Variants in HMGCLL1 observed in about 807,000 individuals in gnomAD.
HMGCLL1 encodes 3-hydroxy-3-methylglutaryl-CoA lyase like 1.
Under a neutral mutation model 39.1 loss-of-function variants are expected in HMGCLL1, and 36 were observed. The ratio of observed to expected loss-of-function variants is 0.92; its 90% CI spans 0.71 to 1.22. The LOEUF (loss-of-function observed/expected upper bound fraction) is 1.22, where lower values mean the gene tolerates loss of function less well. Ranked by LOEUF, HMGCLL1 falls within the 50% of genes most tolerant of loss-of-function variation. The probability of loss-of-function intolerance (pLI) is 0.00; values close to 1 mark genes in which losing one functional copy is unlikely to be tolerated. For missense variants in HMGCLL1, 451 were observed against 416.5 expected (o/e 1.08, Z -0.72); for synonymous variants, 149 against 144.0 (o/e 1.03, Z -0.25).
the HMGCLL1 span, among the ~76,000 whole-genome samples, chr6:55,600,673 T>A: frequency 2.0e-5 from 3 of 152,034 alleles, no homozygotes; most frequent in Non-Finnish European, 4.4e-5. Flanking sequence ...ATAAAAAAAT[T>A]AACATAAAAA....
chr6:55,585,302 C>G, the HMGCLL1 span, among the ~76,000 whole-genome samples: 1 of 152,078 alleles, frequency 6.6e-6, no homozygotes, highest in African/African-American at 2.4e-5. Flanking sequence ...GATCCAAAAG[C>G]ATTAGCTTTG....
intron 3 of HMGCLL1, among the ~76,000 whole-genome samples, chr6:55,533,314 T>C (rs1768797857): frequency 6.6e-6 from 1 of 152,006 alleles, no homozygotes; most frequent in Non-Finnish European, 1.5e-5. Flanking sequence ...TATTTTAGTA[T>C]CCAAAATATG....
chr6:55,623,664 C>G, the HMGCLL1 span, among the ~76,000 whole-genome samples: 1 of 148,796 alleles, frequency 6.7e-6, no homozygotes, highest in Non-Finnish European at 1.5e-5. Context: ...AATATATATA[C>G]ACAAACATAT....
chr6:55,627,171 G>T, the HMGCLL1 span, among the ~76,000 whole-genome samples: 1 of 151,868 alleles, frequency 6.6e-6, no homozygotes, highest in Non-Finnish European at 1.5e-5. Flanking sequence ...GTGACCAGCT[G>T]TAGAAATGAA....
chr6:55,478,787 C>T (rs1765586185), intron 7 of HMGCLL1, among the ~76,000 whole-genome samples: 2 of 151,232 alleles, frequency 1.3e-5, no homozygotes, highest in African/African-American at 4.9e-5. Context: ...GATCTAATTA[C>T]CAAACTAATT....
At chr6:55,501,614 T>C (rs1766897451) in intron 5 of HMGCLL1, among the ~76,000 whole-genome samples, 2 of 151,910 alleles carry the variant, frequency 1.3e-5, no homozygotes, top group Non-Finnish European at 2.9e-5. Flanking sequence ...TTACAGTGGT[T>C]CTCAACCTTG....
chr6:55,511,012 T>C (rs1767431150), intron 5 of HMGCLL1, among the ~76,000 whole-genome samples: 1 of 151,894 alleles, frequency 6.6e-6, no homozygotes, highest in South Asian at 2.1e-4. Context: ...GAATGTCTTA[T>C]ATATTAAAGT....
At chr6:55,628,146 ATATATATAATATATATATAGTATATATAC>A in the HMGCLL1 span, among the ~76,000 whole-genome samples, 1 of 31,086 alleles carries the variant, frequency 3.2e-5, no homozygotes, top group Non-Finnish European at 5.1e-5. Flanking sequence ...TATATATACT[ATATATATAATATATATATAGTATATATAC>A]TATATATATA....
chr6:55,575,547 A>G (rs891978624), intron 1 of HMGCLL1, among the ~76,000 whole-genome samples: 1 of 152,152 alleles, frequency 6.6e-6, no homozygotes, highest in African/African-American at 2.4e-5. Context: ...TCAATATTCT[A>G]TTGCACACAC....
chr6:55,479,925 GA>G (rs1765647115), intron 7 of HMGCLL1, among the ~76,000 whole-genome samples: 1 of 151,436 alleles, frequency 6.6e-6, no homozygotes, highest in East Asian at 1.9e-4. Flanking sequence ...TTCTTTTTAT[GA>G]ATTTACCATT....
chr6:55,650,321 T>C, the HMGCLL1 span, among the ~76,000 whole-genome samples: 1 of 151,384 alleles, frequency 6.6e-6, no homozygotes, highest in African/African-American at 2.4e-5. Flanking sequence ...TGCCTGTCTT[T>C]CTTGGGAAGG....
At chr6:55,524,186 T>C (rs1181478592) in intron 3 of HMGCLL1, among the ~76,000 whole-genome samples, 1 of 151,722 alleles carries the variant, frequency 6.6e-6, no homozygotes, top group Admixed American at 6.6e-5. Context: ...AAAGACTGAA[T>C]TATCTGTCTA....
the HMGCLL1 span, among the ~76,000 whole-genome samples, chr6:55,615,272 GA>G: frequency 1.3e-5 from 2 of 151,504 alleles, no homozygotes; most frequent in African/African-American, 2.4e-5. Flanking sequence ...AAAATCATAG[GA>G]AAAAAAAGAA....
At chr6:55,498,108 T>G (rs747503189) in intron 6 of HMGCLL1, among the ~76,000 whole-genome samples, 3 of 152,092 alleles carry the variant, frequency 2.0e-5, no homozygotes, top group Non-Finnish European at 4.4e-5. Context: ...GAAATGGAGA[T>G]CCTCACCCAA....
the HMGCLL1 span, among the ~76,000 whole-genome samples, chr6:55,653,794 G>A: frequency 6.6e-6 from 1 of 151,898 alleles, no homozygotes; most frequent in African/African-American, 2.4e-5. Flanking sequence ...ACCCCGTAGA[G>A]AAGTTCCACT....
chr6:55,506,112 G>T (rs1254507470), intron 5 of HMGCLL1, among the ~76,000 whole-genome samples: 2 of 151,686 alleles, frequency 1.3e-5, no homozygotes, highest in Non-Finnish European at 3.0e-5. Flanking sequence ...CAGTTGAGCT[G>T]TTTACAATGA....
At chr6:55,630,998 G>C in the HMGCLL1 span, among the ~76,000 whole-genome samples, 1 of 151,782 alleles carries the variant, frequency 6.6e-6, no homozygotes, top group South Asian at 2.1e-4. Flanking sequence ...CCTTATCCTT[G>C]ACCTTTGAGA....
chr6:55,592,714 C>A, the HMGCLL1 span, among the ~76,000 whole-genome samples: 1 of 152,042 alleles, frequency 6.6e-6, no homozygotes, highest in Non-Finnish European at 1.5e-5. Flanking sequence ...GTAATGAGAA[C>A]AAGTACTAAC....
At chr6:55,457,407 CTT>C (rs1170815248) in intron 7 of HMGCLL1, among the ~76,000 whole-genome samples, 1 of 152,110 alleles carries the variant, frequency 6.6e-6, no homozygotes, top group Non-Finnish European at 1.5e-5. Flanking sequence ...AAATGAAAGA[CTT>C]GTTAAGGAGG....
Sources: gnomAD v4.1 joint callset for allele counts (sites outside exome capture counted in the v4.1 genomes callset) on GRCh38, gnomAD v4.1.1 for gene constraint, MANE v1.5 for transcripts, NCBI Gene and HGNC (gene_info 2026-07-23, HGNC 2026-07-21) for gene names.